The following TNC variants were observed in gnomAD, a reference collection of about 807,000 sequenced individuals.
TNC encodes tenascin.
TNC carries 109 observed loss-of-function variants against 202.4 expected under a neutral mutation model. The ratio of observed to expected loss-of-function variants is 0.54; its 90% CI spans 0.46 to 0.63. The LOEUF (loss-of-function observed/expected upper bound fraction) is 0.63, where lower values mean the gene tolerates loss of function less well. Among genes scored for constraint, TNC ranks in the 30% least tolerant of loss-of-function variants. The pLI is 0.00. For missense variants in TNC, 2,756 were observed against 2,833.3 expected, an observed-to-expected ratio of 0.97 and a Z score of 0.62; for synonymous variants, 1,007 against 1,089.7, an observed-to-expected ratio of 0.92 and a Z score of 1.50.
At position 115,102,671 on chromosome 9, in the gene TNC, T is replaced by A. The variant is rs573791723; in HGVS notation, c.-136-11517A>T. 1.2e-4 allele frequency among the ~76,000 whole-genome samples: 19 copies of A among 152,350 alleles called. No individual in the cohort carries two copies. In the South Asian group the frequency reaches 1.7e-3, roughly 13 times the overall value. Reference sequence around the variant, plus strand: ...GCTTTATTATGCATGCATAACTCCTTCTCTTAGGAAATTAGCTAATTCTAG... The same window carrying A: ...GCTTTATTATGCATGCATAACTCCTACTCTTAGGAAATTAGCTAATTCTAG... On this transcript the variant is annotated intron_variant, in intron 1 of 27. Coordinates refer to ENST00000350763, the MANE Select transcript of TNC (RefSeq NM_002160.4).
chr9:115,030,300 G>C lies in TNC; in HGVS notation c.6026C>G (p.Ala2009Gly), dbSNP rs200465690. The change falls in exon 24 of 28, where the codon GCG (alanine) becomes GGG (glycine). Residue 2009 changes from alanine to glycine, a missense_variant. By Grantham distance (60) the Ala-to-Gly change is moderately conservative. Coordinates refer to ENST00000350763, the MANE Select transcript of TNC (RefSeq NM_002160.4). Reference protein sequence around the residue: ...TIYLNGDKAEALEVFCDMTSD... With the variant: ...TIYLNGDKAEGLEVFCDMTSD... Reference sequence around the variant, plus strand: ...GGTCATGTCACAGAAGACTTCCAGCGCCTCAGCCTTATCACCATTCAGATA... The same window carrying C: ...GGTCATGTCACAGAAGACTTCCAGCCCCTCAGCCTTATCACCATTCAGATA... 1 of 1,613,678 alleles carries C rather than the reference G, an allele frequency of 6.2e-7. No homozygotes were observed.
chr9:115,068,598 C>T (rs542207084), intron 10 of TNC, among the ~76,000 whole-genome samples: 9 of 152,244 alleles, frequency 5.9e-5, no homozygotes, highest in Middle Eastern at 3.4e-3. Flanking sequence ...TTAAAACATT[C>T]GGTGATTTCT....
intron 11 of TNC, 68 bp downstream of exon 11, chr9:115,064,579 G>A (rs1360005483): frequency 2.0e-6 from 3 of 1,516,116 alleles, no homozygotes; most frequent in Non-Finnish European, 2.7e-6. Context: ...AGCTAGTCGT[G>A]TCTGATTATT....
chr9:115,087,630 A>G (rs1708549639), intron 2 of TNC, among the ~76,000 whole-genome samples: 1 of 149,112 alleles, frequency 6.7e-6, no homozygotes. Flanking sequence ...TACTATTCCT[A>G]TGATGATTAT....
chr9:115,094,807 A>G (rs868100928), intron 1 of TNC, among the ~76,000 whole-genome samples: 1 of 142,598 alleles, frequency 7.0e-6, no homozygotes. Flanking sequence ...TAAGGACAGA[A>G]CAAGTGCCTC....
chr9:115,061,572 G>C (rs1388367055), intron 13 of TNC, among the ~76,000 whole-genome samples: 1 of 152,148 alleles, frequency 6.6e-6, no homozygotes, highest in Non-Finnish European at 1.5e-5. Context: ...ATAAAACCTG[G>C]CCCCCTTATT....
chr9:115,061,255 G>T (rs1021755343), intron 13 of TNC, among the ~76,000 whole-genome samples: 4 of 152,186 alleles, frequency 2.6e-5, no homozygotes, highest in Non-Finnish European at 5.9e-5. Context: ...GCAACCTCTT[G>T]CTTTTAAGAG....
In TNC at chr9:115,064,900, T is replaced by A. The variant is rs1832830265; in HGVS notation, c.3234A>T (p.Glu1078Asp). Residue 1078 changes from glutamate to aspartate, a missense_variant, in exon 11 of 28, where the codon GAA becomes GAT. Physicochemically the swap from Glu to Asp is conservative, Grantham distance 45. Transcript: ENST00000350763. ...KASTEQAPEL[E>D]NLTVTEVGWD... ...AGCCAACCTCAGTCACGGTGAGGTT[T>A]TCCAGCTCAGGGGCTTGTTCTGAAT... is the stretch of plus-strand genomic sequence containing the variant. The A allele has an allele frequency of 6.2e-7, 1 of 1,613,982 alleles. No individual in the cohort carries two copies. The highest frequency in any genetic ancestry group is 1.3e-5 in the African/African-American group (1 of 74,924).
chr9:115,067,519 A>G (rs933388235), intron 10 of TNC, among the ~76,000 whole-genome samples: 1 of 152,214 alleles, frequency 6.6e-6, no homozygotes, highest in Non-Finnish European at 1.5e-5. Context: ...CCCCCTTGAA[A>G]GAGATATTGG....
At position 115,073,867 on chromosome 9, in the gene TNC, C is replaced by G. The variant is rs1404816988; in HGVS notation, c.2951-1G>C. On this transcript the variant is annotated splice_acceptor_variant, in intron 9 of 27. Coordinates refer to ENST00000350763, the MANE Select transcript of TNC (RefSeq NM_002160.4). LOFTEE classifies it high-confidence loss of function. ...TGAAGGTCCTTGGGCGTGTCCAACT[C>G]TGGGAGGAGAACAGAGAGATGAATG... 1 of 1,607,842 alleles carries G rather than the reference C, an allele frequency of 6.2e-7. No homozygotes were observed. The highest frequency in any genetic ancestry group is 8.5e-7 in the Non-Finnish European group (1 of 1,179,864).
chr9:115,059,723 G>A lies in TNC; in HGVS notation c.4306+7C>T. On this transcript the variant is annotated splice_region_variant and intron_variant, in intron 14 of 27. Coordinates refer to ENST00000350763, the MANE Select transcript of TNC (RefSeq NM_002160.4). ...GGGGAGAAAGCATTGACAGGGAGAG[G>A]AAGTACCTGTGGAGGCCTCAGCAGA... is the stretch of plus-strand genomic sequence containing the variant. 1 of 1,575,278 alleles carries A rather than the reference G, an allele frequency of 6.3e-7. No homozygotes were observed. The highest frequency in any genetic ancestry group is 8.6e-7 in the Non-Finnish European group (1 of 1,159,720).
intron 4 of TNC, among the ~76,000 whole-genome samples, chr9:115,083,210 T>A (rs1343609490): frequency 6.6e-6 from 1 of 152,090 alleles, no homozygotes; most frequent in African/African-American, 2.4e-5. Flanking sequence ...AGTGATATAC[T>A]CCACTCCAGT....
At chr9:115,076,179 A>G in intron 8 of TNC, 58 bp from the exon 9 acceptor site, 4 of 1,562,138 alleles carry the variant, frequency 2.6e-6, no homozygotes, top group Admixed American at 1.7e-5. Flanking sequence ...CTTTCAGAGG[A>G]TGATAAAAAT....
In TNC at chr9:115,086,513, G is replaced by A. The variant is rs1240380699; in HGVS notation, c.1218C>T (p.Leu406=). 1.9e-6 allele frequency: 3 copies of A among 1,613,616 alleles called. No individual in the cohort carries two copies. The highest frequency in any genetic ancestry group is 2.5e-6 in the Non-Finnish European group (3 of 1,179,960). Reference sequence around the variant, plus strand: ...GGCCACTGCAGCCATTGGGACACTTGAGCTCCCCACAGTCAGCTCCAGTGA... The same window carrying A: ...GGCCACTGCAGCCATTGGGACACTTAAGCTCCCCACAGTCAGCTCCAGTGA... ...DGFTGADCGE[L]KCPNGCSGHG... is the part of the protein sequence containing the mutation. Residue 406 remains leucine, a synonymous_variant, in exon 3 of 28, where the codon CTC becomes CTT. Transcript: ENST00000350763.
intron 15 of TNC, among the ~76,000 whole-genome samples, chr9:115,054,148 C>A (rs138768607): frequency 1.3e-5 from 2 of 152,122 alleles, no homozygotes; most frequent in African/African-American, 2.4e-5. Flanking sequence ...GGAAGAGGCA[C>A]AATATTTCTT....
intron 14 of TNC, among the ~76,000 whole-genome samples, chr9:115,058,594 C>A (rs1832307139): frequency 6.6e-6 from 1 of 152,206 alleles, no homozygotes; most frequent in South Asian, 2.1e-4. Flanking sequence ...GGTCACCGTC[C>A]TGGCAGTGGT....
intron 20 of TNC, among the ~76,000 whole-genome samples, chr9:115,036,551 T>A (rs1334642485): frequency 6.6e-6 from 1 of 152,086 alleles, no homozygotes; most frequent in Non-Finnish European, 1.5e-5. Flanking sequence ...GAGACCGAGG[T>A]AGAGGACGGT....
chr9:115,023,541 C>T (rs1198904239), intron 27 of TNC, among the ~76,000 whole-genome samples: 2 of 152,102 alleles, frequency 1.3e-5, no homozygotes, highest in Non-Finnish European at 2.9e-5. Context: ...TTTTTCTGGG[C>T]CTTGGTTTCT....
chr9:115,039,145 GC>G (rs1830551254), intron 19 of TNC, among the ~76,000 whole-genome samples: 1 of 152,170 alleles, frequency 6.6e-6, no homozygotes, highest in African/African-American at 2.4e-5. Flanking sequence ...CCTTTTCTGA[GC>G]TTTGAGTGGT....
Sources: gnomAD v4.1 joint callset for allele counts (sites outside exome capture counted in the v4.1 genomes callset) on GRCh38, gnomAD v4.1.1 for gene constraint, MANE v1.5 for transcripts, NCBI Gene and HGNC (gene_info 2026-07-23, HGNC 2026-07-21) for gene names.